Variants in SH3BP5L observed in about 807,000 individuals in gnomAD.
SH3BP5L encodes the protein SH3 domain-binding protein 5-like.
A neutral mutation model predicts 40.9 loss-of-function variants in SH3BP5L; 16 were observed. The ratio of observed to expected loss-of-function variants is 0.39; its 90% CI spans 0.27 to 0.59. The LOEUF is 0.59. Among genes scored for constraint, SH3BP5L ranks in the 20% least tolerant of loss-of-function variants. The pLI is 0.53. For missense variants in SH3BP5L, 471 were observed against 544.6 expected (o/e 0.86, Z 1.35); for synonymous variants, 229 against 226.7 (o/e 1.01, Z -0.09).
rs1409951888 is a variant in SH3BP5L at position 248,812,528 on chromosome 1, A to AG, written c.712-159dup. Among the ~76,000 whole-genome samples, 2 of 108,258 alleles carry AG rather than the reference A, an allele frequency of 1.8e-5. No individual in the cohort carries two copies. Among genetic ancestry groups the AG allele is most frequent in the East Asian group, 2.9e-4 (1 of 3,428 alleles). The allele number at this position is 108,258 out of a possible 152,430, so 71.0% of individuals were successfully genotyped here. A position where few individuals can be genotyped will look rare whatever the true frequency, so the allele number is the denominator to read the frequency against. Reference sequence around the variant, plus strand: ...CAACAGCCTTCCCTGCTCCACTCTCAGCACCCACCACAGACCCACAACACC... The same window carrying AG: ...CAACAGCCTTCCCTGCTCCACTCTCAGGCACCCACCACAGACCCACAACACC... On this transcript the variant is annotated intron_variant, in intron 6 of 6. Transcript: ENST00000366472. This position sits in a 1 kb window ranked among gnomAD's most constrained non-coding sequence, Gnocchi z 6.1.
intron 3 of SH3BP5L, 55 bp downstream of exon 3, chr1:248,816,767 C>G: frequency 6.2e-7 from 1 of 1,612,816 alleles, no homozygotes; most frequent in Non-Finnish European, 8.5e-7. Context: ...GGGAAAGAGA[C>G]AGATGGAGAT....
Position 248,811,890 on chromosome 1 carries a change from G to C in SH3BP5L, c.*10C>G, listed in dbSNP as rs1417333961. On this transcript the variant is annotated 3_prime_UTR_variant, in exon 7 of 7. Transcript: ENST00000366472. ...GTGGCAGATTCAAGCCAGGAACCCTGGCCCCTCGGCTACAGGCTGACGCTG... is the reference window on the plus strand; with the variant it reads ...GTGGCAGATTCAAGCCAGGAACCCTCGCCCCTCGGCTACAGGCTGACGCTG... 6.7e-7 allele frequency: 1 copy of C among 1,502,186 alleles called. No homozygotes were observed. Among genetic ancestry groups the C allele is most frequent in the Non-Finnish European group, 8.9e-7 (1 of 1,120,408 alleles). 93.1% of individuals were successfully genotyped at this position (1,502,186 alleles called of 1,614,324 possible).
intron 5 of SH3BP5L, 101 bp downstream of exon 5, chr1:248,814,348 A>C: frequency 1.5e-6 from 2 of 1,315,462 alleles, no homozygotes; most frequent in Non-Finnish European, 2.1e-6. Context: ...AGTTGAAAGA[A>C]GGCTAGAATA....
chr1:248,819,726 A>C (rs1160667659), intron 2 of SH3BP5L, among the ~76,000 whole-genome samples: 1 of 129,414 alleles, frequency 7.7e-6, no homozygotes, highest in Non-Finnish European at 1.7e-5. Context: ...AAAAAAAAAA[A>C]TCACAAAAAA....
At position 248,812,151 on chromosome 1, in the gene SH3BP5L, C is replaced by A; in HGVS notation, c.931G>T (p.Ala311Ser). Residue 311 changes from alanine to serine, a missense_variant, in exon 7 of 7, where the codon GCC (alanine) becomes TCC (serine). Around this residue, in one of 2 missense-constraint regions of SH3BP5L, gnomAD observed 196 missense variants for 174.6 expected, o/e 1.12. Coordinates refer to ENST00000366472, the MANE Select transcript of SH3BP5L (RefSeq NM_030645.3). The surrounding 1 kb of genome is among the most constrained non-coding windows in gnomAD (Gnocchi z 6.1). The part of the protein sequence containing the change: ...MEDGDSGIEG[A>S]EGAGLEEGSS... ...CCCTCCTCCAGCCCCGCACCCTCGG[C>A]CCCCTCAATCCCGCTGTCTCCGTCC... 1.3e-6 allele frequency: 2 copies of A among 1,598,490 alleles called. No homozygotes were observed. Among genetic ancestry groups the A allele is most frequent in the Non-Finnish European group, 1.7e-6 (2 of 1,172,366 alleles).
In SH3BP5L at chr1:248,825,230, G is replaced by A; in HGVS notation, c.-295C>T. 1 of 1,149,030 alleles carries A rather than the reference G, an allele frequency of 8.7e-7. No homozygotes were observed. The highest frequency in any genetic ancestry group is 1.1e-6 in the Non-Finnish European group (1 of 932,234). The allele number at this position is 1,149,030 out of a possible 1,614,324, so 71.2% of individuals were successfully genotyped here. Reference sequence around the variant, plus strand: ...AGCTCCAAGGCAGGGGGCAAAGGGGGCTTGGATCCTGGACCGAGGCCTGCT... The same window carrying A: ...AGCTCCAAGGCAGGGGGCAAAGGGGACTTGGATCCTGGACCGAGGCCTGCT... On this transcript the variant is annotated 5_prime_UTR_variant, in exon 2 of 7. Transcript: ENST00000366472.
chr1:248,817,135 T>A (rs1459031351), intron 2 of SH3BP5L: 1 of 1,223,240 alleles, frequency 8.2e-7, no homozygotes, highest in Non-Finnish European at 1.1e-6. Flanking sequence ...GTTTCAAGGA[T>A]GAAGAAATTG....
In SH3BP5L at chr1:248,811,812, C is replaced by CT; in HGVS notation, c.*87_*88insA. On this transcript the variant is annotated 3_prime_UTR_variant, in exon 7 of 7. Coordinates refer to ENST00000366472, the MANE Select transcript of SH3BP5L (RefSeq NM_030645.3). The stretch of plus-strand genomic sequence containing the variant: ...CTGGAGAAGGGGACCTTCGGGAAGA[C>CT]GAGGCCCCAGAGGAGAGGGCGTGAG... The CT allele has an allele frequency of 1.0e-6, 1 of 1,000,672 alleles. No individual in the cohort carries two copies. Among genetic ancestry groups the CT allele is most frequent in the South Asian group, 1.7e-5 (1 of 59,518 alleles). 62.0% of individuals were successfully genotyped at this position (1,000,672 alleles called of 1,614,324 possible).
chr1:248,812,213 G>T lies in SH3BP5L; in HGVS notation c.869C>A (p.Ser290Tyr). ...PPHPLGPRRS[S>Y]PVGAEAGPED... is the part of the protein sequence containing the mutation. The stretch of plus-strand genomic sequence containing the variant: ...GGGTCCTGCCTCGGCCCCCACGGGG[G>T]AGGAGCGCCGAGGGCCCAGGGGGTG... Residue 290 changes from serine (S) to tyrosine (Y), a missense_variant, in exon 7 of 7, where the codon TCC (serine) becomes TAC (tyrosine). By Grantham distance (144) the Ser-to-Tyr change is moderately radical. Coordinates refer to ENST00000366472, the MANE Select transcript of SH3BP5L (RefSeq NM_030645.3). This position sits in a 1 kb window ranked among gnomAD's most constrained non-coding sequence, Gnocchi z 6.1. The T allele has an allele frequency of 6.2e-7, 1 of 1,604,616 alleles. No homozygotes were observed. Among genetic ancestry groups the T allele is most frequent in the South Asian group, 1.1e-5 (1 of 90,386 alleles).
At position 248,811,141 on chromosome 1, in the gene SH3BP5L, A is replaced by G. The variant is rs1430916681; in HGVS notation, c.*759T>C. The G allele has an allele frequency of 6.6e-6, 1 of 152,630 alleles. No homozygotes were observed. The highest frequency in any genetic ancestry group is 1.5e-5 in the Non-Finnish European group (1 of 68,144). 9.5% of individuals were successfully genotyped at this position (152,630 alleles called of 1,614,324 possible). A position where few individuals can be genotyped will look rare whatever the true frequency, so the allele number is the denominator to read the frequency against. On this transcript the variant is annotated 3_prime_UTR_variant, in exon 7 of 7. Transcript: ENST00000366472. Reference sequence around the variant, plus strand: ...AGCACCTTGGCAATGTTGAGGACCCAGCCCAGCGGAAACACCATACCCACA... The same window carrying G: ...AGCACCTTGGCAATGTTGAGGACCCGGCCCAGCGGAAACACCATACCCACA...
intron 4 of SH3BP5L, among the ~76,000 whole-genome samples, chr1:248,815,516 T>G (rs2103014279): frequency 6.6e-6 from 1 of 152,318 alleles, no homozygotes; most frequent in Admixed American, 6.5e-5. Context: ...TGGGGGACCT[T>G]GCTGGCCAAG....
intron 4 of SH3BP5L, among the ~76,000 whole-genome samples, chr1:248,815,483 T>A (rs958799248): frequency 1.3e-5 from 2 of 152,234 alleles, no homozygotes; most frequent in African/African-American, 4.8e-5. Flanking sequence ...TTATTTTCTA[T>A]ACTTTATGAT....
chr1:248,812,125 GC>G lies in SH3BP5L; in HGVS notation c.956del (p.Gly319AlafsTer15). On this transcript the variant is annotated frameshift_variant, in exon 7 of 7. Coordinates refer to ENST00000366472, the MANE Select transcript of SH3BP5L (RefSeq NM_030645.3). LOFTEE classifies it high-confidence loss of function. The surrounding 1 kb of genome is among the most constrained non-coding windows in gnomAD (Gnocchi z 6.1). ...EGAEGAGLEE[G>X]SSLGPGPAPD... ...GGGCGGGGCCGGGCCCCAGGCTGCT[GC>G]CCTCCTCCAGCCCCGCACCCTCGGC... The G allele has an allele frequency of 6.2e-7, 1 of 1,608,198 alleles. No homozygotes were observed.
chr1:248,825,881 T>TGG lies in SH3BP5L; in HGVS notation c.-479_-478insCC. The TGG allele has an allele frequency of 2.0e-5, 19 of 941,742 alleles. No homozygotes were observed. The highest frequency in any genetic ancestry group is 2.4e-5 in the Non-Finnish European group (19 of 794,102). The allele number at this position is 941,742 out of a possible 1,614,324, so 58.3% of individuals were successfully genotyped here. A position where few individuals can be genotyped will look rare whatever the true frequency, so the allele number is the denominator to read the frequency against. On this transcript the variant is annotated 5_prime_UTR_variant, in exon 1 of 7. Transcript: ENST00000366472. ...CGGAGCTTCTATGCTGCAAACAATC[T>TGG]CCCCCCCTCCCTCCCCGCAACAAGC... is the stretch of plus-strand genomic sequence containing the variant.
rs1444977395 is a variant in SH3BP5L at position 248,821,519 on chromosome 1, G to A, written c.183+3234C>T. 2.6e-5 allele frequency among the ~76,000 whole-genome samples: 4 copies of A among 152,112 alleles called. No homozygotes were observed. In the East Asian group the frequency reaches 7.7e-4, roughly 29 times the overall value. ...TGTGAAAGCTAAACCCATACTTCTA[G>A]ATGAGGTCACAGAGGTTGCAAAGTC... On this transcript the variant is annotated intron_variant, in intron 2 of 6. Coordinates refer to ENST00000366472, the MANE Select transcript of SH3BP5L (RefSeq NM_030645.3). The surrounding 1 kb of genome is among the most constrained non-coding windows in gnomAD (Gnocchi z 4.6).
rs1157843764 is a variant in SH3BP5L, at chr1:248,811,878, G to A, written c.*22C>T. 2.7e-6 allele frequency: 4 copies of A among 1,480,214 alleles called. No individual in the cohort carries two copies. Among genetic ancestry groups the A allele is most frequent in the African/African-American group, 1.4e-5 (1 of 71,254 alleles). The allele number at this position is 1,480,214 out of a possible 1,614,324, so 91.7% of individuals were successfully genotyped here. On this transcript the variant is annotated 3_prime_UTR_variant, in exon 7 of 7. Transcript: ENST00000366472. ...AACCGGCCCGTGGTGGCAGATTCAAGCCAGGAACCCTGGCCCCTCGGCTAC... is the reference window on the plus strand; with the variant it reads ...AACCGGCCCGTGGTGGCAGATTCAAACCAGGAACCCTGGCCCCTCGGCTAC...
In SH3BP5L at chr1:248,811,873, T is replaced by G. The variant is rs1193322225; in HGVS notation, c.*27A>C. ...GCCCCAACCGGCCCGTGGTGGCAGA[T>G]TCAAGCCAGGAACCCTGGCCCCTCG... On this transcript the variant is annotated 3_prime_UTR_variant, in exon 7 of 7. Transcript: ENST00000366472. The G allele has an allele frequency of 1.4e-6, 2 of 1,465,406 alleles. No homozygotes were observed. The highest frequency in any genetic ancestry group is 1.8e-6 in the Non-Finnish European group (2 of 1,097,404). 90.8% of individuals were successfully genotyped at this position (1,465,406 alleles called of 1,614,324 possible).
At position 248,811,821 on chromosome 1, in the gene SH3BP5L, AGAG is replaced by A; in HGVS notation, c.*76_*78del. 2.8e-6 allele frequency: 3 copies of A among 1,080,102 alleles called. No homozygotes were observed. Among genetic ancestry groups the A allele is most frequent in the South Asian group, 3.2e-5 (2 of 61,926 alleles). 66.9% of individuals were successfully genotyped at this position (1,080,102 alleles called of 1,614,324 possible). The stretch of plus-strand genomic sequence containing the variant: ...GGGACCTTCGGGAAGACGAGGCCCC[AGAG>A]GAGAGGGCGTGAGAAGACTGTGGGC... On this transcript the variant is annotated 3_prime_UTR_variant, in exon 7 of 7. Transcript: ENST00000366472.
At chr1:248,824,097 C>A (rs1664313958) in intron 2 of SH3BP5L, among the ~76,000 whole-genome samples, 1 of 152,188 alleles carries the variant, frequency 6.6e-6, no homozygotes, top group African/African-American at 2.4e-5. Flanking sequence ...CTCTTCCATT[C>A]CTTTAGGAGA....
Sources: allele counts gnomAD v4.1 joint callset (sites outside exome capture counted in the v4.1 genomes callset), GRCh38; gene constraint gnomAD v4.1.1; regional missense constraint gnomAD v4.1.1; non-coding constraint Gnocchi (gnomAD v3.1); transcripts MANE v1.5; gene names NCBI Gene and HGNC (gene_info 2026-07-23, HGNC 2026-07-21).